The following ACOT11 variants were observed in gnomAD, a reference collection of about 807,000 sequenced individuals.
ACOT11 encodes the protein acyl-coenzyme A thioesterase 11.
ACOT11 carries 69 observed loss-of-function variants against 77.5 expected under a neutral mutation model. That is an observed-to-expected ratio of 0.89 (90% CI 0.73 to 1.09). The LOEUF is 1.09. ACOT11 is among the 50% of genes least tolerant of loss of function. ACOT11 has a pLI of 0.00. For synonymous variants in ACOT11, 279 were observed against 313.0 expected (o/e 0.89, Z 1.15); for missense variants, 766 against 813.7 (o/e 0.94, Z 0.71).
At chr1:54,594,742 C>T in intron 6 of ACOT11, 51 bp downstream of exon 6, 1 of 1,564,122 alleles carries the variant, frequency 6.4e-7, no homozygotes, top group Non-Finnish European at 8.7e-7. Context: ...TCCTGCATGG[C>T]CCCTCTGCCC....
Position 54,599,607 on chromosome 1 carries a change from A to G in ACOT11, c.884+192A>G, listed in dbSNP as rs184849627. 10 of 547,664 alleles carry G rather than the reference A, an allele frequency of 1.8e-5. No homozygotes were observed. In the East Asian group the frequency reaches 4.6e-4, roughly 25 times the overall value. The allele number at this position is 547,664 out of a possible 1,614,324, so 33.9% of individuals were successfully genotyped here. The stretch of plus-strand genomic sequence containing the variant: ...TTCTTGGGAGCCTTCCCTGGCTCCC[A>G]GTCCTGCCCACCCCTGGCTGGGTCA... On this transcript the variant is annotated intron_variant, in intron 8 of 15. Transcript: ENST00000343744.
In ACOT11 at chr1:54,559,092, G is replaced by A. The variant is rs77216727; in HGVS notation, c.33+10750G>A. Among the ~76,000 whole-genome samples, 8 of 152,306 alleles carry A rather than the reference G, an allele frequency of 5.3e-5. No individual in the cohort carries two copies. In the East Asian group the frequency reaches 1.5e-3, roughly 29 times the overall value. ...CACAGAGAAGTGAGGTGACATGCCT[G>A]GGTTTGCACACCTGGCAAGAGACCC... On this transcript the variant is annotated intron_variant, in intron 1 of 15. Coordinates refer to ENST00000343744, the MANE Select transcript of ACOT11 (RefSeq NM_147161.4).
intron 15 of ACOT11, among the ~76,000 whole-genome samples, chr1:54,618,083 G>A (rs1012244364): frequency 2.0e-5 from 3 of 152,108 alleles, no homozygotes; most frequent in African/African-American, 7.2e-5. Context: ...TGGTCCATGG[G>A]CCACACGTTG....
chr1:54,583,329 G>A (rs1654385991), intron 1 of ACOT11, among the ~76,000 whole-genome samples: 1 of 152,154 alleles, frequency 6.6e-6, no homozygotes, highest in Admixed American at 6.5e-5. Flanking sequence ...GTACCACATG[G>A]GGGTCAGTGA....
intron 1 of ACOT11, chr1:54,582,465 G>C (rs1446844834): frequency 3.0e-6 from 3 of 985,226 alleles, no homozygotes; most frequent in Non-Finnish European, 2.4e-6. Context: ...TTTGGTGAAT[G>C]AACAAATGAA....
At chr1:54,569,284 A>T (rs1039261472) in intron 1 of ACOT11, among the ~76,000 whole-genome samples, 3 of 152,014 alleles carry the variant, frequency 2.0e-5, no homozygotes, top group South Asian at 2.1e-4. Flanking sequence ...AAAAAGATTT[A>T]TGTTGATTCC....
chr1:54,560,006 C>T (rs971422256), intron 1 of ACOT11, among the ~76,000 whole-genome samples: 1 of 152,236 alleles, frequency 6.6e-6, no homozygotes, highest in African/African-American at 2.4e-5. Flanking sequence ...TCCCTGGCTG[C>T]AGGCCTGTGT....
chr1:54,582,517 G>A (rs17110749), intron 1 of ACOT11: 62,337 of 985,170 alleles, frequency 0.063, 2,880 homozygotes, highest in African/African-American at 0.22. Flanking sequence ...GGCTCCCGTG[G>A]CATAGGGTCC....
chr1:54,636,208 TAGAG>T (rs761633318), exon 17 of ACOT11: 9 of 152,122 alleles, frequency 5.9e-5, no homozygotes, highest in African/African-American at 9.7e-5. Context: ...AGACAAAGTA[TAGAG>T]AAAGAAAAGT....
intron 10 of ACOT11, among the ~76,000 whole-genome samples, chr1:54,603,170 C>G (rs925114795): frequency 6.6e-6 from 1 of 152,200 alleles, no homozygotes; most frequent in Non-Finnish European, 1.5e-5. Flanking sequence ...AACCCCGTCT[C>G]TACTAAAAAT....
exon 17 of ACOT11, chr1:54,635,378 C>A (rs140846960): frequency 1.7e-5 from 5 of 295,120 alleles, no homozygotes; most frequent in South Asian, 9.2e-5. Flanking sequence ...GGAACCATGG[C>A]GGTATAGTGG....
intron 1 of ACOT11, among the ~76,000 whole-genome samples, chr1:54,550,242 G>A (rs573222767): frequency 7.9e-5 from 12 of 152,200 alleles, no homozygotes; most frequent in Admixed American, 6.5e-4. Context: ...CTGACTCTGA[G>A]CCCAGCTGGC....
At chr1:54,620,510 A>G (rs1026961607) in intron 15 of ACOT11, among the ~76,000 whole-genome samples, 3 of 151,914 alleles carry the variant, frequency 2.0e-5, no homozygotes, top group Non-Finnish European at 2.9e-5. Flanking sequence ...GTTCGAGACC[A>G]GCCTGGCCAA....
chr1:54,551,560 C>T (rs917120636), intron 1 of ACOT11, among the ~76,000 whole-genome samples: 4 of 152,118 alleles, frequency 2.6e-5, no homozygotes, highest in African/African-American at 9.7e-5. Flanking sequence ...CTAGCAGGGA[C>T]CCACTGGTGC....
At chr1:54,638,422 A>G (rs1221321180) in exon 17 of ACOT11, 1 of 152,144 alleles carries the variant, frequency 6.6e-6, no homozygotes, top group Non-Finnish European at 1.5e-5. Context: ...CAGTGACGAA[A>G]TCTCAGCTCA....
chr1:54,614,226 C>T (rs1023230506), downstream of ACOT11, among the ~76,000 whole-genome samples: 4 of 152,122 alleles, frequency 2.6e-5, no homozygotes, highest in Non-Finnish European at 5.9e-5. Flanking sequence ...CTGTGAGCAG[C>T]GGTGCTGGAA....
chr1:54,614,951 T>TGTGTGC (rs1644156977), downstream of ACOT11: 5 of 1,281,152 alleles, frequency 3.9e-6, no homozygotes, highest in Non-Finnish European at 4.4e-6. Context: ...TGTGTGTGTG[T>TGTGTGC]GTGCATGTGC....
chr1:54,586,042 C>A (rs1654487754), intron 3 of ACOT11, 138 bp downstream of exon 3: 2 of 692,208 alleles, frequency 2.9e-6, no homozygotes, highest in Admixed American at 3.1e-5. Flanking sequence ...GTGGGGGCAG[C>A]CTCTGGGGAA....
downstream of ACOT11, chr1:54,612,704 C>T (rs765712593): frequency 1.9e-6 from 3 of 1,612,738 alleles, no homozygotes; most frequent in East Asian, 6.7e-5. Context: ...GGACCAGGGC[C>T]AGGAACCTGC....
Sources: gnomAD v4.1 joint callset for allele counts (sites outside exome capture counted in the v4.1 genomes callset) on GRCh38, gnomAD v4.1.1 for gene constraint, MANE v1.5 for transcripts, NCBI Gene and HGNC (gene_info 2026-07-23, HGNC 2026-07-21) for gene names.